The following ZCCHC7 variants were observed in gnomAD, a reference collection of about 807,000 sequenced individuals.
ZCCHC7 encodes zinc finger CCHC domain-containing protein 7.
ZCCHC7 carries 35 observed loss-of-function variants against 52.0 expected under a neutral mutation model. That is an observed-to-expected ratio of 0.67 (90% CI 0.51 to 0.89). ZCCHC7 has a LOEUF of 0.89. ZCCHC7 is among the 40% of genes least tolerant of loss of function. The probability of loss-of-function intolerance (pLI) is 0.00; values close to 1 mark genes in which losing one functional copy is unlikely to be tolerated. For synonymous variants in ZCCHC7, 217 were observed against 221.5 expected (o/e 0.98, Z 0.18); for missense variants, 574 against 649.1 (o/e 0.88, Z 1.26).
At chr9:37,332,484 TTA>T (rs1830487580) in intron 6 of ZCCHC7, among the ~76,000 whole-genome samples, 1 of 151,530 alleles carries the variant, frequency 6.6e-6, no homozygotes, top group South Asian at 2.1e-4. Flanking sequence ...ATGAATAGTT[TTA>T]TGTTATTTAA....
At chr9:37,167,444 G>A (rs903013203) in intron 2 of ZCCHC7, among the ~76,000 whole-genome samples, 1 of 151,822 alleles carries the variant, frequency 6.6e-6, no homozygotes, top group African/African-American at 2.4e-5. Flanking sequence ...TTCCATGTCT[G>A]TACTATTTGA....
intron 6 of ZCCHC7, among the ~76,000 whole-genome samples, chr9:37,338,448 A>G (rs1221728830): frequency 6.6e-6 from 1 of 152,320 alleles, no homozygotes; most frequent in East Asian, 1.9e-4. Context: ...TGAAGACATA[A>G]GTATACAAAC....
intron 2 of ZCCHC7, among the ~76,000 whole-genome samples, chr9:37,171,303 A>G (rs1821713480): frequency 6.6e-6 from 1 of 152,194 alleles, no homozygotes; most frequent in Non-Finnish European, 1.5e-5. Flanking sequence ...GCAGAATTCC[A>G]GCTATAGCAT....
At chr9:37,169,212 C>G (rs1821595331) in intron 2 of ZCCHC7, among the ~76,000 whole-genome samples, 1 of 152,168 alleles carries the variant, frequency 6.6e-6, no homozygotes, top group Non-Finnish European at 1.5e-5. Flanking sequence ...TCTGGGTCTA[C>G]TAGGATATAA....
chr9:37,266,650 G>A (rs1265765053), intron 2 of ZCCHC7, among the ~76,000 whole-genome samples: 1 of 152,058 alleles, frequency 6.6e-6, no homozygotes, highest in African/African-American at 2.4e-5. Flanking sequence ...GAGGTGGGAG[G>A]ATCACCTGAG....
chr9:37,126,018 T>C (rs1842524151), intron 1 of ZCCHC7, among the ~76,000 whole-genome samples: 1 of 152,214 alleles, frequency 6.6e-6, no homozygotes, highest in Non-Finnish European at 1.5e-5. Flanking sequence ...AATCATCCTA[T>C]GAAGTTTGCA....
At chr9:37,320,755 ATC>A (rs1830016403) in intron 5 of ZCCHC7, among the ~76,000 whole-genome samples, 1 of 152,216 alleles carries the variant, frequency 6.6e-6, no homozygotes, top group African/African-American at 2.4e-5. Context: ...TTATTTGTGT[ATC>A]TGACATAAGC....
intron 2 of ZCCHC7, among the ~76,000 whole-genome samples, chr9:37,275,931 G>C (rs574217984): frequency 6.6e-6 from 1 of 152,186 alleles, no homozygotes; most frequent in Admixed American, 6.5e-5. Flanking sequence ...GATTACAGGC[G>C]TGAGCCACTG....
At chr9:37,191,979 A>G (rs555874954) in intron 2 of ZCCHC7, among the ~76,000 whole-genome samples, 80 of 152,358 alleles carry the variant, frequency 5.3e-4, no homozygotes, top group African/African-American at 1.8e-3. Context: ...GTTAAATGCA[A>G]AAGTGTTATA....
At chr9:37,228,088 T>G (rs1352310040) in intron 2 of ZCCHC7, among the ~76,000 whole-genome samples, 1 of 152,138 alleles carries the variant, frequency 6.6e-6, no homozygotes, top group Non-Finnish European at 1.5e-5. Context: ...TGAACCACAG[T>G]GCCCGGCCTC....
At chr9:37,347,652 G>T (rs1453866922) in intron 6 of ZCCHC7, among the ~76,000 whole-genome samples, 1 of 152,032 alleles carries the variant, frequency 6.6e-6, no homozygotes, top group Non-Finnish European at 1.5e-5. Context: ...AAAAAATCCG[G>T]GTTAAGTTCA....
At chr9:37,202,557 C>T (rs1454450756) in intron 2 of ZCCHC7, among the ~76,000 whole-genome samples, 1 of 152,198 alleles carries the variant, frequency 6.6e-6, no homozygotes, top group Admixed American at 6.5e-5. Context: ...GTGGAGCTTA[C>T]TGTAACCTCC....
At chr9:37,310,131 G>A (rs569184054) in intron 5 of ZCCHC7, among the ~76,000 whole-genome samples, 35 of 152,210 alleles carry the variant, frequency 2.3e-4, no homozygotes, top group African/African-American at 8.4e-4. Context: ...AACTACTTCT[G>A]TAAAAGTATT....
At chr9:37,269,052 T>G (rs1390502459) in intron 2 of ZCCHC7, among the ~76,000 whole-genome samples, 2 of 152,202 alleles carry the variant, frequency 1.3e-5, no homozygotes, top group Non-Finnish European at 2.9e-5. Context: ...AAGAGTGTTT[T>G]GATCCAAGGA....
intron 2 of ZCCHC7, among the ~76,000 whole-genome samples, chr9:37,203,914 G>A (rs1249038955): frequency 2.0e-5 from 3 of 152,056 alleles, no homozygotes; most frequent in Middle Eastern, 3.2e-3. Flanking sequence ...ACTAATTTAC[G>A]CTCCCACTAG....
At chr9:37,262,995 C>A (rs1826937440) in intron 2 of ZCCHC7, among the ~76,000 whole-genome samples, 1 of 152,148 alleles carries the variant, frequency 6.6e-6, no homozygotes, top group African/African-American at 2.4e-5. Context: ...CCAAGATGTT[C>A]TTTTCATAGA....
At chr9:37,324,675 C>T (rs371126950) in intron 5 of ZCCHC7, among the ~76,000 whole-genome samples, 3 of 152,116 alleles carry the variant, frequency 2.0e-5, no homozygotes, top group African/African-American at 7.2e-5. Context: ...TTTTTTCTTC[C>T]CTTTTGCAAA....
intron 6 of ZCCHC7, among the ~76,000 whole-genome samples, chr9:37,340,808 T>C (rs1160061360): frequency 6.6e-6 from 1 of 152,180 alleles, no homozygotes; most frequent in Non-Finnish European, 1.5e-5. Context: ...TTAGGTAAGA[T>C]CTAGGCTGAT....
intron 2 of ZCCHC7, among the ~76,000 whole-genome samples, chr9:37,129,124 TATC>T (rs1842663182): frequency 6.6e-6 from 1 of 152,242 alleles, no homozygotes; most frequent in South Asian, 2.1e-4. Flanking sequence ...AAAAGCTTAT[TATC>T]TTTCCTTTGA....
Sources: allele counts gnomAD v4.1 joint callset (sites outside exome capture counted in the v4.1 genomes callset), GRCh38; gene constraint gnomAD v4.1.1; transcripts MANE v1.5; gene names NCBI Gene and HGNC (gene_info 2026-07-23, HGNC 2026-07-21).